The following MAOA variants were observed in gnomAD, a reference collection of about 807,000 sequenced individuals.
The protein encoded by MAOA is monoamine oxidase A, also known as amine oxidase [flavin-containing] A.
Under a neutral mutation model 42.0 loss-of-function variants are expected in MAOA, and 6 were observed. The observed-to-expected ratio is 0.14, with a 90% CI of 0.08 to 0.28. The LOEUF (loss-of-function observed/expected upper bound fraction) is 0.28, where lower values mean the gene tolerates loss of function less well. Ranked by LOEUF, MAOA falls within the 10% of genes least tolerant of loss-of-function variation. The pLI is 1.00. For missense variants in MAOA, 262 were observed against 422.3 expected, an observed-to-expected ratio of 0.62 and a Z score of 3.33; for synonymous variants, 140 against 154.0, an observed-to-expected ratio of 0.91 and a Z score of 0.67.
chrX:43,728,144 C>A (rs1240191933), intron 5 of MAOA, 29 bp from the exon 6 acceptor site: 1 of 1,201,298 alleles, frequency 8.3e-7, no homozygotes, highest in Admixed American at 2.2e-5. Context: ...CATATTGACA[C>A]CTGACTTCCA....
chrX:43,684,536 C>CAAACAAAACA (rs751315529), intron 2 of MAOA, among the ~76,000 whole-genome samples: 1,067 of 103,167 alleles, frequency 0.01, 6 homozygotes, highest in African/African-American at 0.02. Flanking sequence ...AATATGAAGG[C>CAAACAAAACA]AAACAAAACA....
intron 3 of MAOA, among the ~76,000 whole-genome samples, chrX:43,707,692 A>G (rs1194952196): frequency 3.6e-5 from 4 of 112,419 alleles, no homozygotes; most frequent in Non-Finnish European, 7.5e-5. Context: ...GAAATCATCA[A>G]AAGATTCATC....
chrX:43,714,477 C>T (rs139730289), intron 5 of MAOA, among the ~76,000 whole-genome samples: 539 of 110,197 alleles, frequency 4.9e-3, no homozygotes, highest in Non-Finnish European at 8.6e-3. Context: ...ATGAATGACC[C>T]AAAGGGGCAA....
chrX:43,712,112 T>C, intron 4 of MAOA, 136 bp downstream of exon 4: 1 of 518,246 alleles, frequency 1.9e-6, no homozygotes, highest in Non-Finnish European at 3.3e-6. Flanking sequence ...AACTGCAAAG[T>C]TGGTCGTATT....
intron 1 of MAOA, among the ~76,000 whole-genome samples, chrX:43,673,699 A>G (rs1439254735): frequency 4.5e-5 from 5 of 110,378 alleles, no homozygotes; most frequent in African/African-American, 6.6e-5. Context: ...TCATTTTGTT[A>G]TGTACCCAGT....
chrX:43,690,440 A>G (rs2033523621), intron 2 of MAOA, among the ~76,000 whole-genome samples: 1 of 111,405 alleles, frequency 9.0e-6, no homozygotes, highest in Admixed American at 9.6e-5. Flanking sequence ...GACTTATTTT[A>G]TTTAAAATAT....
At chrX:43,657,924 A>G in intron 1 of MAOA, 5 of 754,069 alleles carry the variant, frequency 6.6e-6, no homozygotes, top group Non-Finnish European at 7.8e-6. Context: ...CAGCAAAAAC[A>G]TACATGTATG....
intron 1 of MAOA, among the ~76,000 whole-genome samples, chrX:43,676,675 C>T (rs890154935): frequency 9.0e-6 from 1 of 111,434 alleles, no homozygotes; most frequent in Non-Finnish European, 1.9e-5. Context: ...CCACTGCATG[C>T]CAGGTACTAT....
At chrX:43,735,016 A>G (rs2033909797) in intron 9 of MAOA, among the ~76,000 whole-genome samples, 1 of 112,425 alleles carries the variant, frequency 8.9e-6, no homozygotes, top group Non-Finnish European at 1.9e-5. Context: ...GTGTTAAATC[A>G]TGCAAAATTA....
chrX:43,656,206 G>C (rs768672163), upstream of MAOA: 50 of 552,765 alleles, frequency 9.0e-5, no homozygotes, highest in African/African-American at 1.1e-3. Context: ...CGCCCACAGT[G>C]CCCGGCTCCC....
intron 3 of MAOA, among the ~76,000 whole-genome samples, chrX:43,696,882 G>T (rs958834373): frequency 6.2e-5 from 7 of 112,658 alleles, no homozygotes; most frequent in African/African-American, 2.3e-4. Flanking sequence ...TATGCAGCAC[G>T]TGGCAGGTGT....
At chrX:43,695,115 GCTCTTCATTATCCC>G (rs2033566599) in intron 3 of MAOA, among the ~76,000 whole-genome samples, 1 of 111,735 alleles carries the variant, frequency 8.9e-6, no homozygotes, top group Non-Finnish European at 1.9e-5. Context: ...CTGAGTGCAT[GCTCTTCATTATCCC>G]GATATATGGC....
At chrX:43,722,326 A>G (rs955595164) in intron 5 of MAOA, among the ~76,000 whole-genome samples, 1 of 112,087 alleles carries the variant, frequency 8.9e-6, no homozygotes, top group African/African-American at 3.3e-5. Context: ...AAGCGTTCCT[A>G]TTTCTCCACA....
rs1428114049 is a variant in MAOA at position 43,744,551 on chromosome X, TACC to T, written c.*43_*45del. 3 of 1,189,510 alleles carry T rather than the reference TACC, an allele frequency of 2.5e-6. No individual in the cohort carries two copies. Among genetic ancestry groups the T allele is most frequent in the East Asian group, 3.0e-5 (1 of 33,659 alleles). ...ATGCTCTCTGCTCACTGGTTTTCAA[TACC>T]ACCAAGAGGAAAATATTGACAAGTT... On this transcript the variant is annotated 3_prime_UTR_variant, in exon 15 of 15. Transcript: ENST00000338702.
chrX:43,718,534 G>A (rs1356768330), intron 5 of MAOA, among the ~76,000 whole-genome samples: 1 of 107,492 alleles, frequency 9.3e-6, no homozygotes, highest in Non-Finnish European at 1.9e-5. Context: ...GATCAGAGGG[G>A]TAGTGGGGAG....
intron 1 of MAOA, among the ~76,000 whole-genome samples, chrX:43,676,237 A>G (rs1042310661): frequency 9.0e-6 from 1 of 111,657 alleles, no homozygotes; most frequent in South Asian, 3.7e-4. Context: ...TGGGCGTAGG[A>G]CCCTCTGAGC....
intron 8 of MAOA, 31 bp from the exon 9 acceptor site, chrX:43,732,668 C>T (rs2033891655): frequency 2.0e-6 from 2 of 988,040 alleles, no homozygotes; most frequent in Non-Finnish European, 2.9e-6. Context: ...AGCTTGATCT[C>T]GATCTCCCAT....
At chrX:43,661,000 G>A (rs1414072361) in intron 1 of MAOA, among the ~76,000 whole-genome samples, 4 of 111,920 alleles carry the variant, frequency 3.6e-5, no homozygotes, top group African/African-American at 1.3e-4. Context: ...GGGTCAAAGG[G>A]GTTTTAAAAG....
At chrX:43,662,317 T>A (rs1334279946) in intron 1 of MAOA, among the ~76,000 whole-genome samples, 1 of 111,750 alleles carries the variant, frequency 8.9e-6, no homozygotes. Flanking sequence ...ATAAACTTTT[T>A]AAATACTAAA....
Sources: allele counts gnomAD v4.1 joint callset (sites outside exome capture counted in the v4.1 genomes callset), GRCh38; gene constraint gnomAD v4.1.1; transcripts MANE v1.5; gene names NCBI Gene and HGNC (gene_info 2026-07-23, HGNC 2026-07-21).